The following CAMTA1 variants were observed in gnomAD, a reference collection of about 807,000 sequenced individuals.
CAMTA1 encodes the protein calmodulin binding transcription activator 1.
In CAMTA1, 27 loss-of-function variants were observed where a neutral mutation model predicts 170.9. The ratio of observed to expected loss-of-function variants is 0.16; its 90% confidence interval spans 0.12 to 0.22. CAMTA1 has a LOEUF of 0.22. CAMTA1 is among the 10% of genes least tolerant of loss of function. The pLI, the probability that CAMTA1 is intolerant of heterozygous loss-of-function variation, is 1.00. For synonymous variants in CAMTA1, 833 were observed against 891.5 expected, an observed-to-expected ratio of 0.93 and a Z score of 1.17; for missense variants, 1,619 against 2,217.2, an observed-to-expected ratio of 0.73 and a Z score of 5.42.
rs890715721 is a variant in CAMTA1 at position 7,443,793 on chromosome 1, A to G, written c.439-24037A>G. Among the ~76,000 whole-genome samples the G allele has an allele frequency of 6.6e-6, 1 of 151,942 alleles. No homozygotes were observed. The highest frequency in any genetic ancestry group is 6.6e-5 in the Admixed American group (1 of 15,254). On this transcript the variant is annotated intron_variant, in intron 5 of 22. Transcript: ENST00000303635. This position sits in a 1 kb window ranked among gnomAD's most constrained non-coding sequence, Gnocchi z 4.1. ...CTCAGGTCTCTGCACCCTCTTTTCC[A>G]TTTATTTGTACCTCCTGATATCCTG...
intron 1 of CAMTA1, among the ~76,000 whole-genome samples, chr1:6,790,413 C>A (rs1400519466): frequency 1.4e-5 from 2 of 141,748 alleles, no homozygotes; most frequent in Non-Finnish European, 3.1e-5. Context: ...TGTGTGTAGA[C>A]AAAAGTAAAG....
chr1:7,428,409 C>T (rs532871519), intron 5 of CAMTA1, among the ~76,000 whole-genome samples: 3 of 151,050 alleles, frequency 2.0e-5, no homozygotes, highest in South Asian at 2.1e-4. Flanking sequence ...GCACACCTTG[C>T]TGCCTCTAGG....
At chr1:6,996,089 C>T (rs1187843512) in intron 3 of CAMTA1, among the ~76,000 whole-genome samples, 1 of 152,194 alleles carries the variant, frequency 6.6e-6, no homozygotes, top group Non-Finnish European at 1.5e-5. Flanking sequence ...AATTGTCTAA[C>T]CCTGGGAAGT....
chr1:6,826,999 C>T (rs999217771), intron 3 of CAMTA1, among the ~76,000 whole-genome samples: 3 of 151,984 alleles, frequency 2.0e-5, no homozygotes, highest in East Asian at 1.9e-4. Flanking sequence ...TTAAAGCATC[C>T]GATAAAGAAT....
rs554612720 is a variant in CAMTA1 at position 7,060,389 on chromosome 1, C to T, written c.235-30915C>T. ...TCCTCATCTCCTCTTCTTGTGAGGACACCAGTCATATTGGATCAGGGCCCA... is the reference window on the plus strand; with the variant it reads ...TCCTCATCTCCTCTTCTTGTGAGGATACCAGTCATATTGGATCAGGGCCCA... On this transcript the variant is annotated intron_variant, in intron 3 of 22. Coordinates refer to ENST00000303635, the MANE Select transcript of CAMTA1 (RefSeq NM_015215.4). Among the ~76,000 whole-genome samples the T allele has an allele frequency of 3.3e-4, 51 of 152,356 alleles. 2 individuals carry two copies. The South Asian group carries it at 8.3e-3, about 25-fold the overall frequency.
intron 3 of CAMTA1, among the ~76,000 whole-genome samples, chr1:7,043,959 G>A (rs947817885): frequency 1.3e-5 from 2 of 152,228 alleles, no homozygotes; most frequent in African/African-American, 4.8e-5. Flanking sequence ...CTGGATGCAG[G>A]AGCTCACATT....
chr1:7,409,651 G>A (rs1427705775), intron 5 of CAMTA1, among the ~76,000 whole-genome samples: 3 of 152,184 alleles, frequency 2.0e-5, no homozygotes, highest in Non-Finnish European at 2.9e-5. Context: ...AGGGATTGCC[G>A]TCTCCACAGG....
intron 21 of CAMTA1, among the ~76,000 whole-genome samples, chr1:7,754,628 A>C (rs1458512090): frequency 6.6e-6 from 1 of 152,232 alleles, no homozygotes; most frequent in Non-Finnish European, 1.5e-5. Context: ...TTTTGCCTTA[A>C]GTATAAATTT....
chr1:7,564,201 G>A (rs187397235), intron 6 of CAMTA1, among the ~76,000 whole-genome samples: 6 of 152,242 alleles, frequency 3.9e-5, no homozygotes, highest in East Asian at 3.9e-4. Context: ...CTCTATTTCC[G>A]GCTATTGGGT....
chr1:6,904,932 C>T (rs1461342088), intron 3 of CAMTA1, among the ~76,000 whole-genome samples: 6 of 151,834 alleles, frequency 4.0e-5, no homozygotes, highest in East Asian at 3.9e-4. Flanking sequence ...CACTCCGACT[C>T]GCTGTGTGTC....
chr1:6,922,617 C>T (rs1682260000), intron 3 of CAMTA1, among the ~76,000 whole-genome samples: 1 of 152,196 alleles, frequency 6.6e-6, no homozygotes, highest in South Asian at 2.1e-4. Flanking sequence ...TGAGAAAAGC[C>T]GGTGGATGCT....
At chr1:6,908,924 T>A (rs938305441) in intron 3 of CAMTA1, among the ~76,000 whole-genome samples, 7 of 152,250 alleles carry the variant, frequency 4.6e-5, no homozygotes, top group African/African-American at 1.4e-4. Context: ...ACATGAGTAT[T>A]GAGAAGTCAT....
intron 5 of CAMTA1, among the ~76,000 whole-genome samples, chr1:7,385,849 A>T (rs1185694426): frequency 3.9e-5 from 6 of 152,180 alleles, no homozygotes. Flanking sequence ...GGTCTGATTG[A>T]AATCCGAGGC....
intron 3 of CAMTA1, among the ~76,000 whole-genome samples, chr1:6,857,736 A>C (rs566458309): frequency 6.6e-6 from 1 of 152,258 alleles, no homozygotes; most frequent in Non-Finnish European, 1.5e-5. Context: ...CTTGGAACAT[A>C]CAAAACATAA....
intron 22 of CAMTA1, among the ~76,000 whole-genome samples, chr1:7,759,092 T>C (rs1388964227): frequency 1.3e-5 from 2 of 152,044 alleles, no homozygotes; most frequent in Admixed American, 6.6e-5. Flanking sequence ...GAGGCTACAG[T>C]GTGTCATGAT....
intron 5 of CAMTA1, among the ~76,000 whole-genome samples, chr1:7,288,925 A>G (rs1672722133): frequency 6.6e-6 from 1 of 152,148 alleles, no homozygotes. Context: ...ATTTATAAAG[A>G]AAAGAAGTTT....
At chr1:7,401,462 T>C (rs1402398432) in intron 5 of CAMTA1, among the ~76,000 whole-genome samples, 1 of 152,236 alleles carries the variant, frequency 6.6e-6, no homozygotes, top group African/African-American at 2.4e-5. Context: ...AAAAATTGCT[T>C]TGGAAATTCT....
chr1:7,468,262 C>T (rs1260346264), intron 6 of CAMTA1, among the ~76,000 whole-genome samples: 1 of 152,176 alleles, frequency 6.6e-6, no homozygotes, highest in African/African-American at 2.4e-5. Flanking sequence ...CATTCATTTT[C>T]TCTCATGGGT....
At position 7,736,372 on chromosome 1, in the gene CAMTA1, G is replaced by A. The variant is rs554533494; in HGVS notation, c.3095G>A (p.Ser1032Asn). The A allele has an allele frequency of 1.2e-6, 2 of 1,614,038 alleles. No individual in the cohort carries two copies. Among genetic ancestry groups the A allele is most frequent in the South Asian group, 1.1e-5 (1 of 91,094 alleles). The change falls in exon 13 of 23, where the codon AGC (serine) becomes AAC (asparagine). Residue 1032 changes from serine (S) to asparagine (N), a missense_variant. Transcript: ENST00000303635. The surrounding 1 kb of genome is among the most constrained non-coding windows in gnomAD (Gnocchi z 4.5). ...GCTTCTGGGACTGGGGCCTTGGGGA[G>A]CTGCTTTGAGAGCCGTGTGGTCGTG... ...QCASGTGALG[S>N]CFESRVVVVC...
Sources: gnomAD v4.1 joint callset for allele counts (sites outside exome capture counted in the v4.1 genomes callset) on GRCh38, gnomAD v4.1.1 for gene constraint, Gnocchi (gnomAD v3.1) non-coding constraint, MANE v1.5 for transcripts, NCBI Gene and HGNC (gene_info 2026-07-23, HGNC 2026-07-21) for gene names.